MID2: variants seen among roughly 807,000 people sequenced by gnomAD.
The protein encoded by MID2 is midline 2.
MID2 carries 13 observed loss-of-function variants against 46.1 expected under a neutral mutation model. The observed-to-expected ratio is 0.28, with a 90% CI of 0.18 to 0.45. The LOEUF (loss-of-function observed/expected upper bound fraction) is 0.45, where lower values mean the gene tolerates loss of function less well. MID2 is among the 20% of genes least tolerant of loss of function. MID2 has a pLI of 1.00. For missense variants in MID2, 431 were observed against 575.4 expected (o/e 0.75, Z 2.57); for synonymous variants, 199 against 212.3 (o/e 0.94, Z 0.55).
chrX:107,860,752 A>G (rs1449099530), intron 3 of MID2, among the ~76,000 whole-genome samples: 1 of 112,471 alleles, frequency 8.9e-6, no homozygotes, highest in Non-Finnish European at 1.9e-5. Flanking sequence ...CTTACTGAGG[A>G]TTTCCTCTGT....
intron 3 of MID2, among the ~76,000 whole-genome samples, chrX:107,900,702 G>A (rs768630343): frequency 8.9e-6 from 1 of 111,876 alleles, no homozygotes; most frequent in African/African-American, 3.2e-5. Context: ...TTTAATCTAA[G>A]TCTTATTCCA....
intron 3 of MID2, among the ~76,000 whole-genome samples, chrX:107,902,042 G>A (rs1374860236): frequency 8.9e-6 from 1 of 112,000 alleles, no homozygotes; most frequent in African/African-American, 3.2e-5. Flanking sequence ...GGTTAAACGT[G>A]TAGTCTCTAG....
intron 1 of MID2, among the ~76,000 whole-genome samples, chrX:107,834,330 A>G (rs1931157288): frequency 8.9e-6 from 1 of 111,801 alleles, no homozygotes; most frequent in Non-Finnish European, 1.9e-5. Context: ...GTGGATGTGG[A>G]CATTTGTTTC....
chrX:107,885,080 TG>T (rs975224156), intron 3 of MID2, among the ~76,000 whole-genome samples: 6 of 106,935 alleles, frequency 5.6e-5, no homozygotes, highest in African/African-American at 2.1e-4. Flanking sequence ...TTTTTGTTTT[TG>T]TTTTTTTTCC....
rs371167055 is a variant in MID2, at chrX:107,841,236, C to A, written c.571C>A (p.Arg191=). ...GGAACCAGTGCCAGACACACATCTT[C>A]GAGGGATCACCTGCCTGGACCATGA... ...LVEPVPDTHL[R]GITCLDHENE... is the part of the protein sequence containing the mutation. Residue 191 remains arginine, a synonymous_variant, in exon 2 of 10, where the codon CGA becomes AGA. Transcript: ENST00000262843. The A allele has an allele frequency of 8.3e-7, 1 of 1,211,414 alleles. No individual in the cohort carries two copies. Among genetic ancestry groups the A allele is most frequent in the Non-Finnish European group, 1.1e-6 (1 of 895,350 alleles).
intron 7 of MID2, among the ~76,000 whole-genome samples, chrX:107,921,193 T>C (rs1183782126): frequency 1.8e-5 from 2 of 111,953 alleles, no homozygotes; most frequent in Non-Finnish European, 3.8e-5. Flanking sequence ...TTGAACAACA[T>C]TGACATTTTT....
chrX:107,908,896 G>C lies in MID2; in HGVS notation c.1073+3270G>C, dbSNP rs758921137. Among the ~76,000 whole-genome samples the C allele has an allele frequency of 9.0e-5, 10 of 111,043 alleles. No homozygotes were observed. The South Asian group carries it at 3.1e-3, about 34-fold the overall frequency. On this transcript the variant is annotated intron_variant, in intron 5 of 9. Transcript: ENST00000262843. ...AAAAAGATATTTAGCCTTTCCTCTA[G>C]CTTTCTGAACATATGGAATACAGTT... is the stretch of plus-strand genomic sequence containing the variant.
In MID2 at chrX:107,930,340, G is replaced by GT. The variant is rs766006646; in HGVS notation, c.*3268dup. On this transcript the variant is annotated 3_prime_UTR_variant, in exon 10 of 10. Transcript: ENST00000262843. ...GGCTCCTACATAATAAATGATCATTGTCCTCCTCAAAAACTCTTTGGCAGT... is the reference window on the plus strand; with the variant it reads ...GGCTCCTACATAATAAATGATCATTGTTCCTCCTCAAAAACTCTTTGGCAGT... 8.9e-6 allele frequency among the ~76,000 whole-genome samples: 1 copy of GT among 111,804 alleles called. No homozygotes were observed. The highest frequency in any genetic ancestry group is 1.9e-5 in the Non-Finnish European group (1 of 53,104).
chrX:107,856,191 C>G (rs992946667), intron 3 of MID2, among the ~76,000 whole-genome samples: 1 of 111,829 alleles, frequency 8.9e-6, no homozygotes, highest in Non-Finnish European at 1.9e-5. Flanking sequence ...AAGGGAGAAA[C>G]AAAATATAAA....
chrX:107,893,523 TAAAC>T (rs1295951881), intron 3 of MID2, among the ~76,000 whole-genome samples: 1 of 112,637 alleles, frequency 8.9e-6, no homozygotes, highest in Non-Finnish European at 1.9e-5. Flanking sequence ...AACATGAAAA[TAAAC>T]AAGTCAATTT....
chrX:107,826,523 C>G, intron 1 of MID2, 93 bp downstream of exon 1: 1 of 1,014,577 alleles, frequency 9.9e-7, no homozygotes, highest in Non-Finnish European at 1.3e-6. Flanking sequence ...CAGGTGCCGC[C>G]GGGGCCCGGC....
chrX:107,872,953 G>C (rs1041243239), intron 3 of MID2, among the ~76,000 whole-genome samples: 1 of 110,906 alleles, frequency 9.0e-6, no homozygotes, highest in African/African-American at 3.3e-5. Context: ...TAGTTCAGGG[G>C]CGACGAGTCT....
At chrX:107,884,684 AAAAAC>A in intron 3 of MID2, among the ~76,000 whole-genome samples, 1 of 108,651 alleles carries the variant, frequency 9.2e-6, no homozygotes, top group African/African-American at 3.6e-5. Flanking sequence ...CAAAGAGACC[AAAAAC>A]AAAACAAAAC....
Position 107,857,593 on chromosome X carries a change from A to G in MID2, c.816+2889A>G, listed in dbSNP as rs183258496. Among the ~76,000 whole-genome samples, 70 of 111,903 alleles carry G rather than the reference A, an allele frequency of 6.3e-4. No individual in the cohort carries two copies. The East Asian group carries it at 0.013, about 21-fold the overall frequency. On this transcript the variant is annotated intron_variant, in intron 3 of 9. Coordinates refer to ENST00000262843, the MANE Select transcript of MID2 (RefSeq NM_012216.4). ...ACCGGGCCCGGCCAACTTCCTCTTA[A>G]TAATAACAACGGTGAATCCAGGTTA...
Position 107,882,958 on chromosome X carries a change from C to G in MID2, c.817-21000C>G, listed in dbSNP as rs188346038. Among the ~76,000 whole-genome samples the G allele has an allele frequency of 2.0e-4, 22 of 112,110 alleles. No homozygotes were observed. The East Asian group carries it at 5.9e-3, about 30-fold the overall frequency. On this transcript the variant is annotated intron_variant, in intron 3 of 9. Transcript: ENST00000262843. The stretch of plus-strand genomic sequence containing the variant: ...AAAGACTTAGAACCAACCCAAATGT[C>G]CATCAATGATAGACTGGATAAAGAA...
intron 2 of MID2, among the ~76,000 whole-genome samples, chrX:107,846,765 C>T (rs763524907): frequency 1.8e-5 from 2 of 111,866 alleles, no homozygotes; most frequent in Non-Finnish European, 3.8e-5. Flanking sequence ...CAAGTAGATA[C>T]TCCTATTATC....
In MID2 at chrX:107,904,002, C is replaced by A. The variant is rs745538329; in HGVS notation, c.861C>A (p.Asp287Glu). 7.4e-6 allele frequency: 9 copies of A among 1,209,801 alleles called. No individual in the cohort carries two copies. The East Asian group carries it at 2.7e-4, about 36-fold the overall frequency. The part of the protein sequence containing the change: ...MHEAKLMEEC[D>E]ELVEIIQQRK... Reference sequence around the variant, plus strand: ...AGGCAAAACTTATGGAAGAATGTGACGAGTTGGTAGAGATCATCCAGCAGA... The same window carrying A: ...AGGCAAAACTTATGGAAGAATGTGAAGAGTTGGTAGAGATCATCCAGCAGA... The change falls in exon 4 of 10, where the codon GAC becomes GAA. Residue 287 changes from aspartate (D) to glutamate (E), a missense_variant. Physicochemically the swap from Asp to Glu is conservative, Grantham distance 45 (BLOSUM62 2). Coordinates refer to ENST00000262843, the MANE Select transcript of MID2 (RefSeq NM_012216.4).
intron 2 of MID2, among the ~76,000 whole-genome samples, chrX:107,853,858 C>T (rs1931684719): frequency 8.9e-6 from 1 of 111,778 alleles, no homozygotes. Context: ...CCTAGTTTTG[C>T]ACATGCTAGT....
intron 3 of MID2, among the ~76,000 whole-genome samples, chrX:107,882,047 C>T (rs753815114): frequency 2.7e-3 from 301 of 111,768 alleles, no homozygotes; most frequent in African/African-American, 9.2e-3. Flanking sequence ...TCAGAAATAA[C>T]ACCACACATC....
Sources: allele counts gnomAD v4.1 joint callset (sites outside exome capture counted in the v4.1 genomes callset), GRCh38; gene constraint gnomAD v4.1.1; transcripts MANE v1.5; gene names NCBI Gene and HGNC (gene_info 2026-07-23, HGNC 2026-07-21).